Variants in TTC17 observed in about 807,000 individuals in gnomAD.
TTC17 encodes tetratricopeptide repeat domain 17.
A neutral mutation model predicts 143.8 loss-of-function variants in TTC17; 58 were observed. The ratio of observed to expected loss-of-function variants is 0.40; its 90% confidence interval spans 0.33 to 0.50. The LOEUF is 0.50. Among genes scored for constraint, TTC17 ranks in the 20% least tolerant of loss-of-function variants. TTC17 has a pLI of 0.49. For synonymous variants in TTC17, 501 were observed against 497.8 expected (o/e 1.01, Z -0.09); for missense variants, 1,273 against 1,392.5 (o/e 0.91, Z 1.37).
chr11:43,363,898 G>T (rs1856219664), intron 1 of TTC17, among the ~76,000 whole-genome samples: 1 of 152,078 alleles, frequency 6.6e-6, no homozygotes. Context: ...TTCTTTTCCA[G>T]TTTGCTTTAT....
chr11:43,492,945 G>C (rs567639941), intron 23 of TTC17, among the ~76,000 whole-genome samples: 1 of 152,324 alleles, frequency 6.6e-6, no homozygotes, highest in African/African-American at 2.4e-5. Flanking sequence ...CTCAGTAATG[G>C]CTTATAGAGT....
At chr11:43,369,939 C>A in intron 1 of TTC17, 1 of 391,240 alleles carries the variant, frequency 2.6e-6, no homozygotes, top group Admixed American at 3.0e-5. Flanking sequence ...AAATACTGTA[C>A]AAGTACTCTA....
chr11:43,401,653 A>G, intron 10 of TTC17, 95 bp downstream of exon 10: 2 of 841,718 alleles, frequency 2.4e-6, no homozygotes, highest in East Asian at 5.5e-5. Flanking sequence ...TGTATATTTG[A>G]TCCCTAAAAT....
At chr11:43,373,880 C>T (rs1458819259) in intron 1 of TTC17, among the ~76,000 whole-genome samples, 1 of 152,142 alleles carries the variant, frequency 6.6e-6, no homozygotes, top group East Asian at 1.9e-4. Context: ...GAAACAGAAG[C>T]CCAGGCAGGG....
At chr11:43,439,845 A>G (rs894768043) in intron 16 of TTC17, among the ~76,000 whole-genome samples, 2 of 152,188 alleles carry the variant, frequency 1.3e-5, no homozygotes, top group Non-Finnish European at 2.9e-5. Flanking sequence ...AGATACAAGT[A>G]TAAACCTTCC....
intron 11 of TTC17, 55 bp downstream of exon 11, chr11:43,404,199 A>T: frequency 6.5e-7 from 1 of 1,549,798 alleles, no homozygotes; most frequent in Non-Finnish European, 8.7e-7. Flanking sequence ...GATCCATTAA[A>T]GCAGTGGCCC....
chr11:43,362,989 T>C (rs1856179663), intron 1 of TTC17, among the ~76,000 whole-genome samples: 1 of 152,172 alleles, frequency 6.6e-6, no homozygotes, highest in Admixed American at 6.6e-5. Flanking sequence ...TTCCTAGCTT[T>C]GGGCTTTGAC....
chr11:43,379,846 T>C (rs1045511522), intron 2 of TTC17, among the ~76,000 whole-genome samples: 2 of 152,204 alleles, frequency 1.3e-5, no homozygotes, highest in Admixed American at 1.3e-4. Flanking sequence ...TGACTTTTTT[T>C]AATAAACATC....
chr11:43,396,858 C>G, intron 6 of TTC17, 40 bp downstream of exon 6: 1 of 1,306,850 alleles, frequency 7.7e-7, no homozygotes, highest in South Asian at 1.3e-5. Context: ...TTCCACATTC[C>G]TCAGGACTGT....
chr11:43,490,665 C>T (rs978339523), intron 22 of TTC17: 8 of 174,754 alleles, frequency 4.6e-5, no homozygotes, highest in Admixed American at 6.3e-5. Context: ...AATGCACTGG[C>T]CTAAGTGGGC....
chr11:43,393,416 G>A (rs1361634408), intron 5 of TTC17, among the ~76,000 whole-genome samples: 1 of 151,688 alleles, frequency 6.6e-6, no homozygotes, highest in African/African-American at 2.4e-5. Flanking sequence ...CAGGGAATAG[G>A]GGGAAGGGGT....
intron 1 of TTC17, among the ~76,000 whole-genome samples, chr11:43,378,383 C>G (rs1000098104): frequency 1.3e-5 from 2 of 152,190 alleles, no homozygotes; most frequent in Non-Finnish European, 2.9e-5. Context: ...ATGTAAAGCT[C>G]TTATACTCTG....
intron 16 of TTC17, among the ~76,000 whole-genome samples, chr11:43,426,796 C>CA (rs1947039140): frequency 6.6e-6 from 1 of 152,108 alleles, no homozygotes; most frequent in Non-Finnish European, 1.5e-5. Context: ...GAAAAAAAGA[C>CA]AAAATAGCCT....
intron 1 of TTC17, among the ~76,000 whole-genome samples, chr11:43,364,047 CTTTTTTTTTTTT>C (rs71308379): frequency 1.1e-5 from 1 of 94,452 alleles, no homozygotes; most frequent in East Asian, 3.0e-4. Context: ...TACAGATCCT[CTTTTTTTTTTTT>C]TTTTTTTTTT....
chr11:43,425,365 A>T (rs1432943242), intron 16 of TTC17, among the ~76,000 whole-genome samples: 4 of 152,188 alleles, frequency 2.6e-5, no homozygotes, highest in Non-Finnish European at 4.4e-5. Flanking sequence ...GGCAAAATAC[A>T]CAACCTATTC....
intron 20 of TTC17, 40 bp from the exon 21 acceptor site, chr11:43,451,142 C>T (rs1002531932): frequency 6.3e-7 from 1 of 1,593,108 alleles, no homozygotes; most frequent in Non-Finnish European, 8.6e-7. Flanking sequence ...GATCCTGCAT[C>T]GTTTTCATTC....
At position 43,405,606 on chromosome 11, in the gene TTC17, G is replaced by T; in HGVS notation, c.1572G>T (p.Leu524=). Residue 524 remains leucine (L), a synonymous_variant, in exon 12 of 24, where the codon CTG becomes CTT. Transcript: ENST00000039989. The stretch of plus-strand genomic sequence containing the variant: ...GTGGGGAATTGCCAACGTATTTTCT[G>T]CCTCCGGAAAACAAAGGACTCAGGC... The part of the protein sequence containing the change: ...PVGGELPTYF[L]PPENKGLRIH... 6.2e-7 allele frequency: 1 copy of T among 1,613,926 alleles called. No individual in the cohort carries two copies. Among genetic ancestry groups the T allele is most frequent in the Non-Finnish European group, 8.5e-7 (1 of 1,179,890 alleles).
At chr11:43,493,476 A>C (rs1029279416) in intron 23 of TTC17, among the ~76,000 whole-genome samples, 1 of 152,174 alleles carries the variant, frequency 6.6e-6, no homozygotes, top group Non-Finnish European at 1.5e-5. Flanking sequence ...TCTCATTATT[A>C]CCACAATTAT....
chr11:43,449,526 CA>C (rs1011453557), intron 19 of TTC17: 2 of 152,362 alleles, frequency 1.3e-5, no homozygotes, highest in African/African-American at 4.8e-5. Flanking sequence ...AGAGAATGAA[CA>C]TGGTAACAGC....
Sources: allele counts gnomAD v4.1 joint callset (sites outside exome capture counted in the v4.1 genomes callset), GRCh38; gene constraint gnomAD v4.1.1; transcripts MANE v1.5; gene names NCBI Gene and HGNC (gene_info 2026-07-23, HGNC 2026-07-21).